The following PTPRE variants were observed in gnomAD, a reference collection of about 807,000 sequenced individuals.
The protein encoded by PTPRE is receptor-type tyrosine-protein phosphatase epsilon.
PTPRE carries 51 observed loss-of-function variants against 102.0 expected under a neutral mutation model. The observed-to-expected ratio is 0.50, with a 90% confidence interval of 0.40 to 0.63. The LOEUF (loss-of-function observed/expected upper bound fraction) is 0.63, where lower values mean the gene tolerates loss of function less well. Ranked by LOEUF, PTPRE falls within the 30% of genes least tolerant of loss-of-function variation. The pLI is 0.00. For missense variants in PTPRE, 752 were observed against 915.1 expected, an observed-to-expected ratio of 0.82 and a Z score of 2.30; for synonymous variants, 345 against 348.2, an observed-to-expected ratio of 0.99 and a Z score of 0.10.
chr10:128,018,691 T>C (rs528269170), intron 2 of PTPRE, among the ~76,000 whole-genome samples: 14 of 152,122 alleles, frequency 9.2e-5, no homozygotes, highest in Non-Finnish European at 1.5e-4. Flanking sequence ...AGCCTAAAGC[T>C]GCTCCCGGCC....
At chr10:127,985,963 TGCCTGTAATCCCAGCTACTTGAGAG>T (rs1319215333) in intron 2 of PTPRE, among the ~76,000 whole-genome samples, 1 of 151,498 alleles carries the variant, frequency 6.6e-6, no homozygotes, top group Non-Finnish European at 1.5e-5. Context: ...TGGTGGCGGG[TGCCTGTAATCCCAGCTACTTGAGAG>T]GCTGAGGCAT....
At chr10:127,999,246 C>T (rs1420925299) in intron 2 of PTPRE, 1 of 152,096 alleles carries the variant, frequency 6.6e-6, no homozygotes, top group African/African-American at 2.4e-5. Context: ...AAAAAGAAGC[C>T]CTAGGCTGTG....
At position 128,083,028 on chromosome 10, in the gene PTPRE, C is replaced by T. The variant is rs957116084; in HGVS notation, c.*122C>T. 3 of 951,768 alleles carry T rather than the reference C, an allele frequency of 3.2e-6. No homozygotes were observed. The highest frequency in any genetic ancestry group is 3.5e-5 in the African/African-American group (2 of 57,792). The allele number at this position is 951,768 out of a possible 1,614,324, so 59.0% of individuals were successfully genotyped here. A position where few individuals can be genotyped will look rare whatever the true frequency, so the allele number is the denominator to read the frequency against. On this transcript the variant is annotated 3_prime_UTR_variant, in exon 21 of 21. Transcript: ENST00000254667. ...ATTTCTTTGTATATATTTTGTTATG[C>T]CTTAAAGGCCACCTGCTATACAGTT...
intron 2 of PTPRE, chr10:127,999,993 G>A (rs1853702625): frequency 1.3e-5 from 13 of 981,492 alleles, no homozygotes; most frequent in African/African-American, 1.7e-5. Context: ...GCGCAGACGC[G>A]GAAAGGGATC....
Position 128,070,607 on chromosome 10 carries a change from G to A in PTPRE, c.1293+157G>A, listed in dbSNP as rs144145555. On this transcript the variant is annotated intron_variant, in intron 14 of 20. Transcript: ENST00000254667. This position sits in a 1 kb window ranked among gnomAD's most constrained non-coding sequence, Gnocchi z 4.8. The stretch of plus-strand genomic sequence containing the variant: ...ACCTGAGCCATGATTTACAAGGGAA[G>A]AAGGATCAGGTGGCTTTCAGAGCCT... Among the ~76,000 whole-genome samples the A allele has an allele frequency of 6.6e-6, 1 of 152,354 alleles. No homozygotes were observed. Among genetic ancestry groups the A allele is most frequent in the East Asian group, 1.9e-4 (1 of 5,180 alleles).
At chr10:128,016,446 C>A (rs1778507661) in intron 2 of PTPRE, among the ~76,000 whole-genome samples, 1 of 150,844 alleles carries the variant, frequency 6.6e-6, no homozygotes, top group South Asian at 2.1e-4. Flanking sequence ...AAAAGCATGT[C>A]TATTTTTTTA....
chr10:128,005,071 T>C (rs1854384045), intron 2 of PTPRE, among the ~76,000 whole-genome samples: 1 of 152,204 alleles, frequency 6.6e-6, no homozygotes, highest in African/African-American at 2.4e-5. Flanking sequence ...CCTTGGCCTG[T>C]TTTTTGGGTT....
rs1850602063 is a variant in PTPRE at position 128,069,746 on chromosome 10, G to A, written c.1062G>A (p.Met354Ile). 1 of 1,614,232 alleles carries A rather than the reference G, an allele frequency of 6.2e-7. No individual in the cohort carries two copies. The highest frequency in any genetic ancestry group is 2.2e-5 in the East Asian group (1 of 44,864). ...TTGTGATCGATGCCATGATGGCCATGATGCACGCGGAGCAGAAGGTGGATG... is the reference window on the plus strand; with the variant it reads ...TTGTGATCGATGCCATGATGGCCATAATGCACGCGGAGCAGAAGGTGGATG... ...TFIVIDAMMAMMHAEQKVDVF... is the reference protein window; with the variant it reads ...TFIVIDAMMAIMHAEQKVDVF... The change falls in exon 13 of 21, where the codon ATG becomes ATA. Residue 354 changes from methionine (M) to isoleucine (I), a missense_variant. Physicochemically the swap from Met to Ile is conservative, Grantham distance 10. Around this residue, in one of 2 missense-constraint regions of PTPRE, gnomAD observed 636 missense variants for 824.4 expected, o/e 0.77. Transcript: ENST00000254667.
At chr10:127,999,590 T>C (rs1049169622) in intron 2 of PTPRE, 2 of 985,378 alleles carry the variant, frequency 2.0e-6, no homozygotes, top group African/African-American at 1.7e-5. Context: ...GGTTGCACTG[T>C]TCTCAGCAGC....
rs1179723668 is a variant in PTPRE, at chr10:128,072,209, A to G, written c.1459A>G (p.Ile487Val). 2.5e-6 allele frequency: 4 copies of G among 1,613,424 alleles called. No homozygotes were observed. The highest frequency in any genetic ancestry group is 3.4e-6 in the Non-Finnish European group (4 of 1,179,484). Reference sequence around the variant, plus strand: ...CACAGACTACATCAACGCATCCTTCATAGACGTACGTATGCTGGCCTGGGT... The same window carrying G: ...CACAGACTACATCAACGCATCCTTCGTAGACGTACGTATGCTGGCCTGGGT... ...EYTDYINASF[I>V]DGYRQKDYFI... is the part of the protein sequence containing the mutation. The change falls in exon 16 of 21, where the codon ATA becomes GTA. Residue 487 changes from isoleucine (I) to valine (V), a missense_variant. Ile to Val is a conservative substitution (Grantham distance 29, BLOSUM62 3). Around this residue, in one of 2 missense-constraint regions of PTPRE, gnomAD observed 636 missense variants for 824.4 expected, o/e 0.77. Transcript: ENST00000254667.
At chr10:128,033,418 T>C (rs4570499) in intron 2 of PTPRE, among the ~76,000 whole-genome samples, 86,526 of 152,026 alleles carry the variant, frequency 0.57, 24,730 homozygotes, top group East Asian at 0.62. Flanking sequence ...TTATTTTATT[T>C]TTTTATTCAT....
chr10:127,995,823 G>GCACACACACA lies in PTPRE; in HGVS notation c.-8+13551_-8+13560dup, dbSNP rs143328396. Among the ~76,000 whole-genome samples, 1,371 of 148,320 alleles carry GCACACACACA rather than the reference G, an allele frequency of 9.2e-3. 6 individuals carry two copies. The highest frequency in any genetic ancestry group is 0.035 in the Middle Eastern group (10 of 286). On this transcript the variant is annotated intron_variant, in intron 2 of 20. Transcript: ENST00000254667. ...CCATGTTTATACCAACTCTACACGA[G>GCACACACACA]CACACACACACACACACACACACAC... is the stretch of plus-strand genomic sequence containing the variant.
At chr10:128,071,970 CCT>C (rs1263682920) in intron 15 of PTPRE, 166 bp from the exon 16 acceptor site, 9 of 562,390 alleles carry the variant, frequency 1.6e-5, no homozygotes, top group Non-Finnish European at 2.5e-5. Flanking sequence ...GAAAAATACC[CCT>C]GAGCCACTTT....
In PTPRE at chr10:128,066,158, G is replaced by C. The variant is rs1272668094; in HGVS notation, c.807G>C (p.Leu269Phe). ...IRVCVEDCVV[L>F]VDYTIRKFCI... ...TGTGCGTGGAGGACTGCGTGGTTTTGGTCGACTACACCATCCGGAAGTTCT... is the reference window on the plus strand; with the variant it reads ...TGTGCGTGGAGGACTGCGTGGTTTTCGTCGACTACACCATCCGGAAGTTCT... Residue 269 changes from leucine to phenylalanine, a missense_variant, in exon 11 of 21, where the codon TTG (leucine) becomes TTC (phenylalanine). Leu to Phe is a conservative substitution (Grantham distance 22). This residue lies in a region of PTPRE where 636 missense variants were observed against 824.4 expected (regional missense o/e 0.77). Transcript: ENST00000254667. 6 of 1,614,064 alleles carry C rather than the reference G, an allele frequency of 3.7e-6. No homozygotes were observed. Among genetic ancestry groups the C allele is most frequent in the Non-Finnish European group, 5.1e-6 (6 of 1,180,034 alleles).
intron 3 of PTPRE, among the ~76,000 whole-genome samples, chr10:128,045,667 C>A (rs966716835): frequency 4.6e-5 from 7 of 152,288 alleles, no homozygotes; most frequent in African/African-American, 1.4e-4. Context: ...TGCTCCAGGG[C>A]CCTGGCAGAG....
At chr10:128,067,192 GCACA>G (rs578133959) in intron 11 of PTPRE, among the ~76,000 whole-genome samples, 3 of 125,010 alleles carry the variant, frequency 2.4e-5, no homozygotes, top group Non-Finnish European at 3.4e-5. Flanking sequence ...TCACACATGT[GCACA>G]CACATACACC....
chr10:127,976,850 G>A (rs966518116), intron 1 of PTPRE, among the ~76,000 whole-genome samples: 11 of 152,178 alleles, frequency 7.2e-5, no homozygotes, highest in Non-Finnish European at 7.3e-5. Flanking sequence ...ATATCAGTGC[G>A]AATCTGAAGC....
At chr10:127,972,297 G>T (rs1589869644) in intron 1 of PTPRE, among the ~76,000 whole-genome samples, 1 of 152,200 alleles carries the variant, frequency 6.6e-6, no homozygotes, top group South Asian at 2.1e-4. Flanking sequence ...GGACATTATT[G>T]CCCAGTGGCA....
intron 1 of PTPRE, among the ~76,000 whole-genome samples, chr10:127,957,705 A>G (rs994516075): frequency 3.3e-5 from 5 of 152,156 alleles, no homozygotes; most frequent in Non-Finnish European, 5.9e-5. Flanking sequence ...CTCTGTATAA[A>G]CTTTAGTATC....
Sources: gnomAD v4.1 joint callset for allele counts (sites outside exome capture counted in the v4.1 genomes callset) on GRCh38, gnomAD v4.1.1 for gene constraint, gnomAD v4.1.1 regional missense constraint, Gnocchi (gnomAD v3.1) non-coding constraint, MANE v1.5 for transcripts, NCBI Gene and HGNC (gene_info 2026-07-23, HGNC 2026-07-21) for gene names.